The following CDC42BPA variants were observed in gnomAD, a reference collection of about 807,000 sequenced individuals.
CDC42BPA encodes the protein CDC42 binding protein kinase alpha, also known as serine/threonine-protein kinase MRCK alpha.
Under a neutral mutation model 223.5 loss-of-function variants are expected in CDC42BPA, and 80 were observed. The observed-to-expected ratio is 0.36, with a 90% CI of 0.30 to 0.43. The LOEUF is 0.43. Among genes scored for constraint, CDC42BPA ranks in the 20% least tolerant of loss-of-function variants. CDC42BPA has a pLI of 1.00. For missense variants in CDC42BPA, 1,743 were observed against 2,099.9 expected (o/e 0.83, Z 3.32); for synonymous variants, 694 against 718.6 (o/e 0.97, Z 0.55).
chr1:227,266,979 G>C (rs1685106047), intron 1 of CDC42BPA, among the ~76,000 whole-genome samples: 1 of 152,284 alleles, frequency 6.6e-6, no homozygotes, highest in East Asian at 1.9e-4. Context: ...TCTTTAGCAT[G>C]AGATCAGAAA....
chr1:227,205,420 A>G (rs1394232732), intron 3 of CDC42BPA, among the ~76,000 whole-genome samples: 1 of 151,832 alleles, frequency 6.6e-6, no homozygotes, highest in Admixed American at 6.6e-5. Flanking sequence ...TTAGTGAAAA[A>G]GCAATATGAA....
chr1:227,084,945 A>C (rs1681529776), intron 16 of CDC42BPA, among the ~76,000 whole-genome samples: 1 of 152,162 alleles, frequency 6.6e-6, no homozygotes, highest in Non-Finnish European at 1.5e-5. Flanking sequence ...AAAAGGCTGA[A>C]TGCACCAATA....
At chr1:227,286,761 G>T (rs968752538) in intron 1 of CDC42BPA, among the ~76,000 whole-genome samples, 2 of 152,138 alleles carry the variant, frequency 1.3e-5, no homozygotes, top group Non-Finnish European at 2.9e-5. Flanking sequence ...TCTGCAAGCT[G>T]TACAAAAAAG....
In CDC42BPA at chr1:227,193,951, T is replaced by A; in HGVS notation, c.451-17A>T. 3 of 1,583,748 alleles carry A rather than the reference T, an allele frequency of 1.9e-6. No individual in the cohort carries two copies. Among genetic ancestry groups the A allele is most frequent in the Non-Finnish European group, 2.6e-6 (3 of 1,163,798 alleles). On this transcript the variant is annotated splice_polypyrimidine_tract_variant and intron_variant, in intron 4 of 36. Transcript: ENST00000366766. Reference sequence around the variant, plus strand: ...AACCAGGTACTGTGAATGAAAAAAATAAAATGTACTCAGTAAACTAATAAG... The same window carrying A: ...AACCAGGTACTGTGAATGAAAAAAAAAAAATGTACTCAGTAAACTAATAAG...
chr1:227,163,914 A>G (rs1664569204), intron 5 of CDC42BPA, among the ~76,000 whole-genome samples: 1 of 152,106 alleles, frequency 6.6e-6, no homozygotes, highest in South Asian at 2.1e-4. Flanking sequence ...TGTGAGATAA[A>G]GGGCAGTTAC....
At position 227,040,258 on chromosome 1, in the gene CDC42BPA, A is replaced by C. The variant is rs757761149; in HGVS notation, c.3094-22T>G. The C allele has an allele frequency of 2.8e-6, 4 of 1,419,816 alleles. No homozygotes were observed. The East Asian group carries it at 9.1e-5, about 32-fold the overall frequency. The allele number at this position is 1,419,816 out of a possible 1,614,324, so 88.0% of individuals were successfully genotyped here. On this transcript the variant is annotated intron_variant, in intron 23 of 36. Transcript: ENST00000366766. ...TGCGCTGCAAAACAAATTGATAAAA[A>C]AACACACAGATTGTTTAAAAGATTT...
intron 2 of CDC42BPA, among the ~76,000 whole-genome samples, chr1:227,239,614 T>C (rs1336967144): frequency 6.6e-6 from 1 of 152,112 alleles, no homozygotes; most frequent in Non-Finnish European, 1.5e-5. Flanking sequence ...TTAATCAAAG[T>C]AATCCACTAT....
rs71574595 is a variant in CDC42BPA, at chr1:227,082,714, C to CAAAAAA, written c.2356-1703_2356-1698dup. ...TGGGTGACAGAATGAGACTCTGTCT[C>CAAAAAA]AAAAAAAAAAAAAAAAAAAAAAAAA... On this transcript the variant is annotated intron_variant, in intron 16 of 36. Coordinates refer to ENST00000366766, the MANE Select transcript of CDC42BPA (RefSeq NM_001394014.1). 2.1e-3 allele frequency among the ~76,000 whole-genome samples: 122 copies of CAAAAAA among 59,508 alleles called. 5 individuals carry two copies. Among genetic ancestry groups the CAAAAAA allele is most frequent in the African/African-American group, 7.1e-3 (101 of 14,232 alleles). The allele number at this position is 59,508 out of a possible 152,430, so 39.0% of individuals were successfully genotyped here.
chr1:227,200,582 T>C (rs970336948), intron 3 of CDC42BPA, among the ~76,000 whole-genome samples: 8 of 152,082 alleles, frequency 5.3e-5, no homozygotes, highest in South Asian at 2.1e-4. Context: ...TGGCGTACCA[T>C]TGTTTGAATG....
At chr1:227,147,324 C>T in intron 7 of CDC42BPA, 35 bp downstream of exon 7, 2 of 1,450,078 alleles carry the variant, frequency 1.4e-6, no homozygotes, top group African/African-American at 1.4e-5. Context: ...GTGTTATTTA[C>T]CACATTAATT....
At chr1:227,076,436 T>G (rs1679497104) in intron 17 of CDC42BPA, among the ~76,000 whole-genome samples, 1 of 152,156 alleles carries the variant, frequency 6.6e-6, no homozygotes, top group African/African-American at 2.4e-5. Context: ...TTTGTATTTT[T>G]AGTAGAGATG....
intron 35 of CDC42BPA, among the ~76,000 whole-genome samples, chr1:226,998,721 G>C (rs569682065): frequency 1.3e-5 from 2 of 152,224 alleles, no homozygotes; most frequent in East Asian, 3.9e-4. Context: ...ATACCATCGA[G>C]GACACAGGCA....
Position 227,160,585 on chromosome 1 carries a change from T to C in CDC42BPA, c.651A>G (p.Leu217=). 1.2e-6 allele frequency: 2 copies of C among 1,609,892 alleles called. No homozygotes were observed. The highest frequency in any genetic ancestry group is 1.7e-6 in the Non-Finnish European group (2 of 1,176,282). ...ILMDMNGHIR[L]ADFGSCLKLM... is the part of the protein sequence containing the mutation. ...GCTTCAGACAAGAACCAAAATCTGC[T>C]AACCGAATATGTCCATTCATATCCA... The change falls in exon 6 of 37, where the codon TTA becomes TTG. Residue 217 remains leucine (L), a synonymous_variant. Coordinates refer to ENST00000366766, the MANE Select transcript of CDC42BPA (RefSeq NM_001394014.1).
Position 227,234,654 on chromosome 1 carries a change from C to T in CDC42BPA, c.270+19410G>A, listed in dbSNP as rs569730107. The T allele has an allele frequency of 5.3e-5, 8 of 152,332 alleles. No homozygotes were observed. In the South Asian group the frequency reaches 1.7e-3, roughly 32 times the overall value. The allele number at this position is 152,332 out of a possible 1,614,324, so 9.4% of individuals were successfully genotyped here. ...TATGACTCCCACGTAGCCTGAAGAC[C>T]CTATTCTATCCACCACGTGAGCACC... On this transcript the variant is annotated intron_variant, in intron 2 of 36. Transcript: ENST00000366766.
At chr1:227,044,196 T>A (rs1468721486) in intron 23 of CDC42BPA, among the ~76,000 whole-genome samples, 1 of 152,224 alleles carries the variant, frequency 6.6e-6, no homozygotes, top group Non-Finnish European at 1.5e-5. Context: ...GGATTTCTAG[T>A]CTTTTTCATA....
intron 23 of CDC42BPA, among the ~76,000 whole-genome samples, chr1:227,046,429 C>T (rs560141907): frequency 4.6e-4 from 70 of 152,208 alleles, no homozygotes; most frequent in African/African-American, 1.3e-3. Flanking sequence ...TTTGAAGTCT[C>T]GCCATTCAGT....
At chr1:227,257,503 A>G (rs114263100) in intron 1 of CDC42BPA, among the ~76,000 whole-genome samples, 14,366 of 150,770 alleles carry the variant, frequency 0.095, 1,006 homozygotes, top group Middle Eastern at 0.17. Flanking sequence ...TAATCCCAGC[A>G]CTGTAGGAAG....
chr1:227,103,917 C>G (rs947827630), intron 14 of CDC42BPA, among the ~76,000 whole-genome samples: 1 of 151,848 alleles, frequency 6.6e-6, no homozygotes, highest in Admixed American at 6.6e-5. Context: ...AGCTTTGAAG[C>G]GACAGAAGAA....
chr1:227,123,025 G>A (rs558677726), intron 11 of CDC42BPA, among the ~76,000 whole-genome samples: 4 of 152,128 alleles, frequency 2.6e-5, no homozygotes, highest in Non-Finnish European at 2.9e-5. Context: ...GTACTAGGCC[G>A]GGCACCATGG....
Sources: allele counts gnomAD v4.1 joint callset (sites outside exome capture counted in the v4.1 genomes callset), GRCh38; gene constraint gnomAD v4.1.1; transcripts MANE v1.5; gene names NCBI Gene and HGNC (gene_info 2026-07-23, HGNC 2026-07-21).